Variants in GREB1 observed in about 807,000 individuals in gnomAD.
The protein encoded by GREB1 is protein GREB1.
Under a neutral mutation model 200.7 loss-of-function variants are expected in GREB1, and 106 were observed. The observed-to-expected ratio is 0.53, with a 90% CI of 0.45 to 0.62. The LOEUF (loss-of-function observed/expected upper bound fraction) is 0.62. Ranked by LOEUF, GREB1 falls within the 20% of genes least tolerant of loss-of-function variation. The pLI is 0.00. For synonymous variants in GREB1, 1,132 were observed against 1,092.4 expected (o/e 1.04, Z -0.72); for missense variants, 2,243 against 2,556.8 (o/e 0.88, Z 2.65).
Position 11,634,186 on chromosome 2 carries a change from G to C in GREB1, c.5047G>C (p.Glu1683Gln), listed in dbSNP as rs753435559. 3.1e-6 allele frequency: 5 copies of C among 1,614,098 alleles called. No homozygotes were observed. In the Admixed American group the frequency reaches 8.3e-5, roughly 27 times the overall value. The change falls in exon 29 of 33, where the codon GAG becomes CAG. Residue 1683 changes from glutamate (E) to glutamine (Q), a missense_variant. Coordinates refer to ENST00000381486, the MANE Select transcript of GREB1 (RefSeq NM_014668.4). Reference protein sequence around the residue: ...VSLKHIMQHIEAAPDIMHYAL... With the variant: ...VSLKHIMQHIQAAPDIMHYAL... ...TTTGAAGCACATCATGCAGCACATC[G>C]AGGCGGCCCCCGACATCATGCACTA... is the stretch of plus-strand genomic sequence containing the variant.
intron 1 of GREB1, among the ~76,000 whole-genome samples, chr2:11,512,544 CTT>C (rs1416283215): frequency 2.6e-5 from 4 of 152,152 alleles, no homozygotes; most frequent in Non-Finnish European, 5.9e-5. Flanking sequence ...AAAAAAATGA[CTT>C]GTGTGTGTTT....
In GREB1 at chr2:11,534,053, G is replaced by A. The variant is rs1674175668; in HGVS notation, c.-363G>A. 6.6e-6 allele frequency: 1 copy of A among 152,170 alleles called. No individual in the cohort carries two copies. Among genetic ancestry groups the A allele is most frequent in the African/African-American group, 2.4e-5 (1 of 41,424 alleles). 9.4% of individuals were successfully genotyped at this position (152,170 alleles called of 1,614,324 possible). On this transcript the variant is annotated 5_prime_UTR_variant, in exon 1 of 33. Transcript: ENST00000381486. ...AGCACCGTTTTACACATGCTAAATG[G>A]TTAAGAGATACATAAATACTGCAGT... is the stretch of plus-strand genomic sequence containing the variant.
intron 7 of GREB1, chr2:11,581,101 C>G (rs1411991840): frequency 3.2e-6 from 2 of 617,682 alleles, no homozygotes; most frequent in Non-Finnish European, 2.9e-6. Context: ...GTCCTATGGG[C>G]TGCACAGCTG....
intron 10 of GREB1, chr2:11,592,016 G>C: frequency 1.0e-6 from 1 of 983,596 alleles, no homozygotes; most frequent in Non-Finnish European, 1.2e-6. Context: ...TCCTGGAGTA[G>C]GAGAAAGCCT....
upstream of GREB1, among the ~76,000 whole-genome samples, chr2:11,530,103 G>A (rs935132922): frequency 6.6e-6 from 1 of 151,392 alleles, no homozygotes; most frequent in Non-Finnish European, 1.5e-5. Context: ...TGTTGTCTAG[G>A]CTGGATGGAG....
At chr2:11,589,238 G>A (rs537668957) in intron 10 of GREB1, among the ~76,000 whole-genome samples, 1 of 152,348 alleles carries the variant, frequency 6.6e-6, no homozygotes, top group African/African-American at 2.4e-5. Context: ...GTGGGAGAGA[G>A]AAGCAATAAA....
At chr2:11,532,205 G>A (rs1432996784), upstream of GREB1, among the ~76,000 whole-genome samples, 2 of 152,200 alleles carry the variant, frequency 1.3e-5, no homozygotes, top group Non-Finnish European at 2.9e-5. Context: ...AAATCAACCC[G>A]CGTATAGGAG....
At chr2:11,585,627 C>A in intron 8 of GREB1, 135 bp from the exon 9 acceptor site, 1 of 887,888 alleles carries the variant, frequency 1.1e-6, no homozygotes, top group Non-Finnish European at 1.8e-6. Flanking sequence ...GAATCTGTGA[C>A]TCTAAGAGTT....
intron 4 of GREB1, among the ~76,000 whole-genome samples, chr2:11,573,416 G>A (rs910288036): frequency 2.0e-5 from 3 of 152,216 alleles, no homozygotes; most frequent in African/African-American, 4.8e-5. Flanking sequence ...GAGATTTCAG[G>A]CAGGATCCCA....
intron 13 of GREB1, among the ~76,000 whole-genome samples, chr2:11,596,656 A>G (rs1572864673): frequency 2.2e-5 from 1 of 45,284 alleles, no homozygotes; most frequent in Admixed American, 3.2e-4. Flanking sequence ...ATACAGTGAG[A>G]GTAGGTGGGG....
chr2:11,538,982 C>CCTTCTCTTCTCT, intron 1 of GREB1, among the ~76,000 whole-genome samples: 2 of 87,412 alleles, frequency 2.3e-5, no homozygotes, highest in African/African-American at 1.3e-4. Flanking sequence ...CCTTCCCCTC[C>CCTTCTCTTCTCT]TCTCCTCTCT....
chr2:11,633,378 C>T lies in GREB1; in HGVS notation c.4991+315C>T, dbSNP rs542747787. Among the ~76,000 whole-genome samples, 13 of 151,934 alleles carry T rather than the reference C, an allele frequency of 8.6e-5. No homozygotes were observed. The highest frequency in any genetic ancestry group is 2.2e-4 in the African/African-American group (9 of 41,442). ...GAGATCGAGACCATCCTGGCTAACA[C>T]GGTGAAACCCTGTCTCTACTAAAAA... On this transcript the variant is annotated intron_variant, in intron 28 of 32. Transcript: ENST00000381486. This position sits in a 1 kb window ranked among gnomAD's most constrained non-coding sequence, Gnocchi z 4.1.
chr2:11,529,400 G>C (rs1673989762), upstream of GREB1, among the ~76,000 whole-genome samples: 1 of 152,194 alleles, frequency 6.6e-6, no homozygotes, highest in Admixed American at 6.5e-5. Context: ...ACCACAATGA[G>C]ATACCCTTTT....
Position 11,593,088 on chromosome 2 carries a change from G to T in GREB1, c.1658G>T (p.Cys553Phe). The T allele has an allele frequency of 6.2e-7, 1 of 1,609,922 alleles. No individual in the cohort carries two copies. The highest frequency in any genetic ancestry group is 8.5e-7 in the Non-Finnish European group (1 of 1,178,212). ...AACTACGTGGTCATCATCTGCGCCT[G>T]CCGCAGCGCGGCCATCGACTCCTGC... ...KTNYVVIICA[C>F]RSAAIDSCIA... Residue 553 changes from cysteine (C) to phenylalanine (F), a missense_variant, in exon 11 of 33, where the codon TGC (cysteine) becomes TTC (phenylalanine). Physicochemically the swap from Cys to Phe is radical, Grantham distance 205. Coordinates refer to ENST00000381486, the MANE Select transcript of GREB1 (RefSeq NM_014668.4).
In GREB1 at chr2:11,595,140, A is replaced by T. The variant is rs1362238509; in HGVS notation, c.1697-111A>T. Reference sequence around the variant, plus strand: ...AGGTAGATCCAGCTGTTAGCCACAGATTCCAGATGGGAAATGTCAAGTCTA... The same window carrying T: ...AGGTAGATCCAGCTGTTAGCCACAGTTTCCAGATGGGAAATGTCAAGTCTA... On this transcript the variant is annotated intron_variant, in intron 11 of 32. Transcript: ENST00000381486. 3.1e-6 allele frequency: 3 copies of T among 977,278 alleles called. No homozygotes were observed. In the African/African-American group the frequency reaches 4.8e-5, roughly 16 times the overall value. 60.5% of individuals were successfully genotyped at this position (977,278 alleles called of 1,614,324 possible).
intron 24 of GREB1, among the ~76,000 whole-genome samples, chr2:11,626,661 C>T (rs1684483283): frequency 6.6e-6 from 1 of 152,122 alleles, no homozygotes; most frequent in Non-Finnish European, 1.5e-5. Flanking sequence ...AGTTGGCAAT[C>T]GATTTAAATT....
At chr2:11,556,887 G>T in intron 2 of GREB1, 116 bp downstream of exon 2, 2 of 747,510 alleles carry the variant, frequency 2.7e-6, no homozygotes, top group South Asian at 3.7e-5. Flanking sequence ...TAGCAGAAAA[G>T]AATTATTAGA....
chr2:11,609,032 C>T (rs1349739853), intron 17 of GREB1, among the ~76,000 whole-genome samples: 1 of 152,118 alleles, frequency 6.6e-6, no homozygotes, highest in Non-Finnish European at 1.5e-5. Flanking sequence ...TAATTTGTCT[C>T]ACATTGTTAG....
At chr2:11,490,278 G>A (rs941376987) in intron 1 of GREB1, among the ~76,000 whole-genome samples, 2 of 152,084 alleles carry the variant, frequency 1.3e-5, no homozygotes, top group African/African-American at 2.4e-5. Context: ...TTTGCCTATT[G>A]TGGATATTTC....
Sources: gnomAD v4.1 joint callset for allele counts (sites outside exome capture counted in the v4.1 genomes callset) on GRCh38, gnomAD v4.1.1 for gene constraint, Gnocchi (gnomAD v3.1) non-coding constraint, MANE v1.5 for transcripts, NCBI Gene and HGNC (gene_info 2026-07-23, HGNC 2026-07-21) for gene names.